The following VAV2 variants were observed in gnomAD, a reference collection of about 807,000 sequenced individuals.
VAV2 encodes vav guanine nucleotide exchange factor 2.
In VAV2, 67 loss-of-function variants were observed where a neutral mutation model predicts 132.5. The observed-to-expected ratio is 0.51, with a 90% CI of 0.42 to 0.62. VAV2 has a LOEUF of 0.62. Ranked by LOEUF, VAV2 falls within the 20% of genes least tolerant of loss-of-function variation. The probability of loss-of-function intolerance (pLI) is 0.00; values close to 1 mark genes in which losing one functional copy is unlikely to be tolerated. For missense variants in VAV2, 938 were observed against 1,153.6 expected, an observed-to-expected ratio of 0.81 and a Z score of 2.71; for synonymous variants, 492 against 443.5, an observed-to-expected ratio of 1.11 and a Z score of -1.37.
chr9:133,896,505 A>C (rs1041349804), intron 2 of VAV2, among the ~76,000 whole-genome samples: 1 of 152,190 alleles, frequency 6.6e-6, no homozygotes, highest in Non-Finnish European at 1.5e-5. Context: ...TAAACGTTAG[A>C]GCAGGTCGAA....
Position 133,905,443 on chromosome 9 carries a change from A to C in VAV2, c.321+33660T>G, listed in dbSNP as rs1199169383. Among the ~76,000 whole-genome samples, 523 of 151,170 alleles carry C rather than the reference A, an allele frequency of 3.5e-3. 7 individuals are homozygous for C. The highest frequency in any genetic ancestry group is 0.012 in the African/African-American group (497 of 41,158). On this transcript the variant is annotated intron_variant, in intron 2 of 29. Coordinates refer to ENST00000371850, the MANE Select transcript of VAV2 (RefSeq NM_001134398.2). ...AGAGTGAAACTGTCTCAAAAAAAAA[A>C]AAAAAAAGAAACAAAAGAAGAAGAA... is the stretch of plus-strand genomic sequence containing the variant.
At chr9:133,939,621 A>G (rs750254262) in intron 1 of VAV2, among the ~76,000 whole-genome samples, 10 of 152,232 alleles carry the variant, frequency 6.6e-5, no homozygotes, top group Non-Finnish European at 1.0e-4. Flanking sequence ...TCCCAGGCGC[A>G]CCCAGCACAT....
At position 133,992,152 on chromosome 9, in the gene VAV2, G is replaced by A; in HGVS notation, c.127C>T (p.Leu43=). The change falls in exon 1 of 30, where the codon CTG becomes TTG. Residue 43 remains leucine (L), a synonymous_variant. Coordinates refer to ENST00000371850, the MANE Select transcript of VAV2 (RefSeq NM_001134398.2). The surrounding 1 kb of genome is among the most constrained non-coding windows in gnomAD (Gnocchi z 5.5). ...LAQALRDGVL[L]CQLLHNLSPG... is the part of the protein sequence containing the mutation. ...GAGAGGTTGTGCAGCAGCTGGCACAGAAGGACCCCGTCGCGCAGCGCCTGC... is the reference window on the plus strand; with the variant it reads ...GAGAGGTTGTGCAGCAGCTGGCACAAAAGGACCCCGTCGCGCAGCGCCTGC... 1 of 1,594,588 alleles carries A rather than the reference G, an allele frequency of 6.3e-7. No homozygotes were observed. The highest frequency in any genetic ancestry group is 8.5e-7 in the Non-Finnish European group (1 of 1,171,022).
chr9:133,785,926 T>C (rs1360194980), intron 16 of VAV2, 41 bp from the exon 17 acceptor site: 1 of 1,562,582 alleles, frequency 6.4e-7, no homozygotes, highest in East Asian at 2.3e-5. Flanking sequence ...TAGACACGGC[T>C]TCAGACATCC....
intron 2 of VAV2, among the ~76,000 whole-genome samples, chr9:133,881,256 G>A (rs770831253): frequency 1.3e-5 from 2 of 152,254 alleles, no homozygotes; most frequent in African/African-American, 2.4e-5. Context: ...CGGCCTTCCC[G>A]CAGGCATGAT....
At chr9:133,781,029 G>T (rs1833989040) in intron 19 of VAV2, among the ~76,000 whole-genome samples, 1 of 152,234 alleles carries the variant, frequency 6.6e-6, no homozygotes, top group Non-Finnish European at 1.5e-5. Flanking sequence ...GGCGGCAGCT[G>T]CCTGGATCAT....
intron 2 of VAV2, among the ~76,000 whole-genome samples, chr9:133,909,675 G>A (rs116307920): frequency 0.014 from 2,141 of 152,264 alleles, 37 homozygotes; most frequent in African/African-American, 0.048. Context: ...TGGGCAAAGA[G>A]GGGGAGACAG....
chr9:133,918,754 CAT>C lies in VAV2; in HGVS notation c.321+20347_321+20348del, dbSNP rs145305619. ...CCTAAGCCTCCCAAGAAGCAGCCGCCATGTGTGTGTGTGTGTTTGTTTGTTTG... is the reference window on the plus strand; with the variant it reads ...CCTAAGCCTCCCAAGAAGCAGCCGCCGTGTGTGTGTGTGTTTGTTTGTTTG... On this transcript the variant is annotated intron_variant, in intron 2 of 29. Transcript: ENST00000371850. The surrounding 1 kb of genome is among the most constrained non-coding windows in gnomAD (Gnocchi z 4.7). Among the ~76,000 whole-genome samples the C allele has an allele frequency of 0.13, 20,239 of 151,680 alleles. 3,299 individuals are homozygous for C. The highest frequency in any genetic ancestry group is 0.39 in the African/African-American group (16,072 of 41,150).
In VAV2 at chr9:133,884,036, G is replaced by A. The variant is rs1838603167; in HGVS notation, c.322-22604C>T. On this transcript the variant is annotated intron_variant, in intron 2 of 29. Transcript: ENST00000371850. This position sits in a 1 kb window ranked among gnomAD's most constrained non-coding sequence, Gnocchi z 5.3. ...TGTAGTCCCAGCTACTTGGGAGGCT[G>A]AGGCAGGGGAATCACTTGAACCCGG... Among the ~76,000 whole-genome samples the A allele has an allele frequency of 6.6e-6, 1 of 152,128 alleles. No homozygotes were observed. The highest frequency in any genetic ancestry group is 1.5e-5 in the Non-Finnish European group (1 of 68,032).
At chr9:133,819,755 C>T (rs1010609999) in intron 4 of VAV2, among the ~76,000 whole-genome samples, 3 of 152,136 alleles carry the variant, frequency 2.0e-5, no homozygotes, top group Non-Finnish European at 4.4e-5. Flanking sequence ...CATCTGGATT[C>T]TGGTCAATGA....
intron 4 of VAV2, among the ~76,000 whole-genome samples, chr9:133,820,805 T>C (rs1835757575): frequency 1.3e-5 from 2 of 152,186 alleles, no homozygotes; most frequent in Admixed American, 6.5e-5. Flanking sequence ...TGAGACCCAC[T>C]GAGGGGTCTG....
rs1838050642 is a variant in VAV2 at position 133,871,479 on chromosome 9, T to TGGAGAAGC, written c.322-10048_322-10047insGCTTCTCC. ...ATGGATGGAGAAGCGGATGGATGGATGGATGGATGGATGGATGGATGGATG... is the reference window on the plus strand; with the variant it reads ...ATGGATGGAGAAGCGGATGGATGGATGGAGAAGCGGATGGATGGATGGATGGATGGATG... On this transcript the variant is annotated intron_variant, in intron 2 of 29. Coordinates refer to ENST00000371850, the MANE Select transcript of VAV2 (RefSeq NM_001134398.2). Among the ~76,000 whole-genome samples the TGGAGAAGC allele has an allele frequency of 1.5e-3, 186 of 124,968 alleles. 1 individual carries two copies. Among genetic ancestry groups the TGGAGAAGC allele is most frequent in the African/African-American group, 8.2e-3 (171 of 20,868 alleles). 82.0% of individuals were successfully genotyped at this position (124,968 alleles called of 152,430 possible).
chr9:133,920,350 C>T (rs1388064261), intron 2 of VAV2, among the ~76,000 whole-genome samples: 3 of 152,234 alleles, frequency 2.0e-5, no homozygotes, highest in African/African-American at 7.2e-5. Context: ...GCGCTTTTCG[C>T]CAGCCATGTG....
chr9:133,956,617 C>T (rs920825860), intron 1 of VAV2, among the ~76,000 whole-genome samples: 1 of 152,176 alleles, frequency 6.6e-6, no homozygotes, highest in East Asian at 1.9e-4. Flanking sequence ...TCAGAAAATG[C>T]GAAGATCAAC....
chr9:133,782,468 G>A (rs1039334295), intron 19 of VAV2, among the ~76,000 whole-genome samples: 5 of 152,190 alleles, frequency 3.3e-5, no homozygotes, highest in Admixed American at 1.3e-4. Context: ...GGCCTGTGAT[G>A]GGGACAAGGG....
chr9:133,791,726 A>G, intron 13 of VAV2, 57 bp downstream of exon 13: 1 of 1,484,198 alleles, frequency 6.7e-7, no homozygotes, highest in Non-Finnish European at 9.4e-7. Flanking sequence ...TGTGAACGTG[A>G]CTTTATAGGT....
At chr9:133,780,299 T>A (rs1833962912) in intron 20 of VAV2, among the ~76,000 whole-genome samples, 1 of 152,188 alleles carries the variant, frequency 6.6e-6, no homozygotes, top group Admixed American at 6.5e-5. Context: ...CCATGGAGGC[T>A]GGTTCATGTG....
chr9:133,802,877 C>T lies in VAV2; in HGVS notation c.836+3204G>A, dbSNP rs765730234. Among the ~76,000 whole-genome samples, 1 of 152,218 alleles carries T rather than the reference C, an allele frequency of 6.6e-6. No individual in the cohort carries two copies. Among genetic ancestry groups the T allele is most frequent in the Non-Finnish European group, 1.5e-5 (1 of 68,028 alleles). ...ATGCAGGAACAAGCAAGGTGCACGG[C>T]TGAGCTGCCAGCTCTGGCCTCCGTT... On this transcript the variant is annotated intron_variant, in intron 9 of 29. Coordinates refer to ENST00000371850, the MANE Select transcript of VAV2 (RefSeq NM_001134398.2). This position sits in a 1 kb window ranked among gnomAD's most constrained non-coding sequence, Gnocchi z 5.8.
intron 3 of VAV2, among the ~76,000 whole-genome samples, chr9:133,835,604 C>T (rs1588244366): frequency 1.3e-5 from 2 of 152,316 alleles, no homozygotes; most frequent in South Asian, 2.1e-4. Flanking sequence ...AAGGATGGGA[C>T]GGGAGATCCC....
Sources: allele counts gnomAD v4.1 joint callset (sites outside exome capture counted in the v4.1 genomes callset), GRCh38; gene constraint gnomAD v4.1.1; non-coding constraint Gnocchi (gnomAD v3.1); transcripts MANE v1.5; gene names NCBI Gene and HGNC (gene_info 2026-07-23, HGNC 2026-07-21).